The following WDR7 variants were observed in gnomAD, a reference collection of about 807,000 sequenced individuals.
The protein encoded by WDR7 is WD repeat domain 7.
A neutral mutation model predicts 169.4 loss-of-function variants in WDR7; 46 were observed. The observed-to-expected ratio is 0.27, with a 90% CI of 0.21 to 0.35. WDR7 has a LOEUF of 0.35. Ranked by LOEUF, WDR7 falls within the 10% of genes least tolerant of loss-of-function variation. The probability of loss-of-function intolerance (pLI) is 1.00; values close to 1 mark genes in which losing one functional copy is unlikely to be tolerated. For synonymous variants in WDR7, 612 were observed against 666.8 expected, an observed-to-expected ratio of 0.92 and a Z score of 1.27; for missense variants, 1,534 against 1,859.3, an observed-to-expected ratio of 0.83 and a Z score of 3.22.
chr18:56,846,124 A>G (rs1004343225), intron 20 of WDR7, among the ~76,000 whole-genome samples: 8 of 152,308 alleles, frequency 5.3e-5, no homozygotes, highest in African/African-American at 1.9e-4. Context: ...TAACAAAAAT[A>G]CTTTTATTTT....
intron 18 of WDR7, among the ~76,000 whole-genome samples, chr18:56,780,381 C>T (rs2044299533): frequency 6.6e-6 from 1 of 152,246 alleles, no homozygotes; most frequent in Non-Finnish European, 1.5e-5. Context: ...TAGACTTTCT[C>T]CTCTCAACTC....
At chr18:56,912,570 C>T (rs187907163) in intron 21 of WDR7, among the ~76,000 whole-genome samples, 1 of 152,318 alleles carries the variant, frequency 6.6e-6, no homozygotes, top group Admixed American at 6.5e-5. Context: ...GCCTTTCACC[C>T]TACTAAAATC....
chr18:56,919,566 T>A (rs1296070786), intron 21 of WDR7, among the ~76,000 whole-genome samples: 1 of 152,186 alleles, frequency 6.6e-6, no homozygotes, highest in African/African-American at 2.4e-5. Flanking sequence ...TGGGATTGGT[T>A]GTAGATGTAG....
intron 20 of WDR7, among the ~76,000 whole-genome samples, chr18:56,832,831 A>T (rs1030608809): frequency 3.9e-5 from 6 of 152,202 alleles, no homozygotes; most frequent in African/African-American, 1.4e-4. Flanking sequence ...CCCCATCTGA[A>T]GGTCACCAAC....
At chr18:56,965,254 G>A (rs2047392023) in intron 26 of WDR7, among the ~76,000 whole-genome samples, 1 of 152,028 alleles carries the variant, frequency 6.6e-6, no homozygotes, top group Non-Finnish European at 1.5e-5. Context: ...ACTTAGATTG[G>A]GGGAATCACA....
At chr18:56,890,304 G>A (rs1908124919) in intron 21 of WDR7, among the ~76,000 whole-genome samples, 1 of 152,026 alleles carries the variant, frequency 6.6e-6, no homozygotes, top group South Asian at 2.1e-4. Flanking sequence ...TTTTTATTTT[G>A]TTGTAGTGTA....
At chr18:56,840,840 C>CCCCATTT in intron 20 of WDR7, among the ~76,000 whole-genome samples, 1 of 151,214 alleles carries the variant, frequency 6.6e-6, no homozygotes, top group Admixed American at 6.6e-5. Flanking sequence ...AAAAAAAAGA[C>CCCCATTT]CCCATTTCCC....
At chr18:56,901,507 C>T (rs992297520) in intron 21 of WDR7, among the ~76,000 whole-genome samples, 5 of 152,116 alleles carry the variant, frequency 3.3e-5, no homozygotes, top group Admixed American at 6.5e-5. Flanking sequence ...TGGTTGGCAA[C>T]TGTTGTCCCC....
chr18:56,723,459 T>A (rs2144765749), intron 13 of WDR7, among the ~76,000 whole-genome samples: 1 of 152,250 alleles, frequency 6.6e-6, no homozygotes, highest in Non-Finnish European at 1.5e-5. Flanking sequence ...TTTATCTTCA[T>A]TTTTAAAGGC....
chr18:56,863,724 T>A (rs974448852), intron 20 of WDR7, among the ~76,000 whole-genome samples: 3 of 151,812 alleles, frequency 2.0e-5, no homozygotes, highest in African/African-American at 7.2e-5. Context: ...ATTATACAAG[T>A]ATTAATAGAT....
intron 23 of WDR7, 102 bp downstream of exon 23, chr18:56,936,007 C>A: frequency 9.2e-7 from 1 of 1,088,146 alleles, no homozygotes; most frequent in Non-Finnish European, 1.3e-6. Context: ...ACAGTTTATT[C>A]TAGAACAATG....
intron 26 of WDR7, among the ~76,000 whole-genome samples, chr18:56,983,237 G>T (rs1230898443): frequency 1.3e-5 from 2 of 152,128 alleles, no homozygotes; most frequent in African/African-American, 2.4e-5. Flanking sequence ...TAATGAAAAG[G>T]TTCCTATTTT....
chr18:56,974,855 T>C (rs1786438619), intron 26 of WDR7, among the ~76,000 whole-genome samples: 1 of 152,128 alleles, frequency 6.6e-6, no homozygotes, highest in Admixed American at 6.6e-5. Flanking sequence ...ACAATAAAGC[T>C]TTTCAGTGCT....
At chr18:56,656,716 T>C (rs657634) in intron 1 of WDR7, among the ~76,000 whole-genome samples, 1 of 152,206 alleles carries the variant, frequency 6.6e-6, no homozygotes, top group Non-Finnish European at 1.5e-5. Context: ...TTTCAAAGTT[T>C]GGCTCAGCTA....
At chr18:57,014,238 A>G (rs2048176289) in intron 26 of WDR7, among the ~76,000 whole-genome samples, 1 of 151,752 alleles carries the variant, frequency 6.6e-6, no homozygotes, top group South Asian at 2.1e-4. Flanking sequence ...AGGCAGGAGA[A>G]TCACTTGAAC....
chr18:56,890,598 T>G (rs911317835), intron 21 of WDR7, among the ~76,000 whole-genome samples: 19 of 152,200 alleles, frequency 1.2e-4, no homozygotes, highest in African/African-American at 4.6e-4. Context: ...AGAACAGATA[T>G]TCTTACCATT....
In WDR7 at chr18:57,020,773, C is replaced by T. The variant is rs779119968; in HGVS notation, c.4193C>T (p.Thr1398Ile). 5.6e-5 allele frequency: 91 copies of T among 1,614,094 alleles called. No homozygotes were observed. Among genetic ancestry groups the T allele is most frequent in the Non-Finnish European group, 7.5e-5 (88 of 1,180,028 alleles). ...ATCCATGGACACAAGGGACCAATCA[C>T]TGCAGTGGCTTTTGCTCCTGATGGA... ...QTIHGHKGPI[T>I]AVAFAPDGRY... is the part of the protein sequence containing the mutation. Residue 1398 changes from threonine to isoleucine, a missense_variant, in exon 27 of 28, where the codon ACT (threonine) becomes ATT (isoleucine). Transcript: ENST00000254442.
intron 13 of WDR7, chr18:56,721,740 G>A (rs1354546599): frequency 6.6e-6 from 1 of 152,218 alleles, no homozygotes; most frequent in East Asian, 1.9e-4. Flanking sequence ...AAACAGGCAT[G>A]CTGAAAGTAA....
intron 26 of WDR7, among the ~76,000 whole-genome samples, chr18:56,995,216 T>C (rs2047882060): frequency 6.6e-6 from 1 of 152,216 alleles, no homozygotes; most frequent in African/African-American, 2.4e-5. Flanking sequence ...AGAAACCTTT[T>C]GGTAAAATCC....
Sources: gnomAD v4.1 joint callset for allele counts (sites outside exome capture counted in the v4.1 genomes callset) on GRCh38, gnomAD v4.1.1 for gene constraint, MANE v1.5 for transcripts, NCBI Gene and HGNC (gene_info 2026-07-23, HGNC 2026-07-21) for gene names.